BMPR2: variants seen among roughly 807,000 people sequenced by gnomAD.
The protein encoded by BMPR2 is bone morphogenetic protein receptor type 2, also known as bone morphogenetic protein receptor type-2.
BMPR2 carries 29 observed loss-of-function variants against 100.8 expected under a neutral mutation model. The observed-to-expected ratio is 0.29, with a 90% CI of 0.21 to 0.39. The LOEUF (loss-of-function observed/expected upper bound fraction) is 0.39. Among genes scored for constraint, BMPR2 ranks in the 10% least tolerant of loss-of-function variants. The pLI is 1.00. For synonymous variants in BMPR2, 382 were observed against 442.3 expected, an observed-to-expected ratio of 0.86 and a Z score of 1.71; for missense variants, 1,011 against 1,274.5, an observed-to-expected ratio of 0.79 and a Z score of 3.15.
chr2:202,531,928 G>GTGTT (rs1439934960), intron 8 of BMPR2, among the ~76,000 whole-genome samples: 1 of 51,262 alleles, frequency 2.0e-5, no homozygotes, highest in African/African-American at 5.7e-5. Context: ...ACGCCCAGCT[G>GTGTT]TATTTTTTTT....
chr2:202,433,092 G>C (rs62194090), intron 1 of BMPR2, among the ~76,000 whole-genome samples: 8,033 of 150,540 alleles, frequency 0.053, 344 homozygotes, highest in Non-Finnish European at 0.079. Context: ...TCTGCCAGCT[G>C]GTAAGGTAGC....
At chr2:202,426,796 T>TG (rs898331020) in intron 1 of BMPR2, among the ~76,000 whole-genome samples, 2 of 151,770 alleles carry the variant, frequency 1.3e-5, no homozygotes, top group East Asian at 1.9e-4. Flanking sequence ...GCAGAAGGAG[T>TG]GACTGAGCGT....
At chr2:202,558,842 G>A (rs551951179) in intron 12 of BMPR2, among the ~76,000 whole-genome samples, 84 of 144,370 alleles carry the variant, frequency 5.8e-4, no homozygotes, top group Middle Eastern at 4.2e-3. Flanking sequence ...GCGGTGAGCC[G>A]AGATCATGTC....
At chr2:202,467,351 C>T (rs971571407) in intron 2 of BMPR2, among the ~76,000 whole-genome samples, 168 bp from the exon 3 acceptor site, 5 of 152,108 alleles carry the variant, frequency 3.3e-5, no homozygotes, top group Admixed American at 3.3e-4. Flanking sequence ...CTTTGGTATC[C>T]TTTACCATTT....
At position 202,377,452 on chromosome 2, in the gene BMPR2, C is replaced by T. The variant is rs1319268943; in HGVS notation, c.-23C>T. The T allele has an allele frequency of 1.2e-6, 2 of 1,613,782 alleles. No homozygotes were observed. Among genetic ancestry groups the T allele is most frequent in the Non-Finnish European group, 1.7e-6 (2 of 1,179,602 alleles). On this transcript the variant is annotated 5_prime_UTR_variant, in exon 1 of 13. Coordinates refer to ENST00000374580, the MANE Select transcript of BMPR2 (RefSeq NM_001204.7). ...TTCCCATATTTCTTTTCTTTGCCCT[C>T]CTGATTCTTGGCTGGCCCAGGGATG...
chr2:202,392,730 C>T (rs1483709301), intron 1 of BMPR2, among the ~76,000 whole-genome samples: 3 of 151,456 alleles, frequency 2.0e-5, no homozygotes, highest in South Asian at 2.1e-4. Flanking sequence ...CGGTGGCTCA[C>T]GCCTGTAATC....
intron 1 of BMPR2, among the ~76,000 whole-genome samples, chr2:202,380,884 G>A (rs1191748270): frequency 6.7e-6 from 1 of 150,348 alleles, no homozygotes; most frequent in African/African-American, 2.5e-5. Context: ...CTCCCAAAAT[G>A]CTGGGATTAT....
chr2:202,515,377 G>C (rs1687694055), intron 5 of BMPR2, among the ~76,000 whole-genome samples: 1 of 151,992 alleles, frequency 6.6e-6, no homozygotes. Context: ...TTCAAGACCA[G>C]CCTGACCAAC....
At chr2:202,543,864 A>G (rs186276979) in intron 10 of BMPR2, among the ~76,000 whole-genome samples, 1 of 152,314 alleles carries the variant, frequency 6.6e-6, no homozygotes, top group African/African-American at 2.4e-5. Flanking sequence ...TAAAAATTCT[A>G]CATTAGTTAC....
intron 1 of BMPR2, among the ~76,000 whole-genome samples, chr2:202,421,278 C>T (rs1168500239): frequency 1.4e-5 from 2 of 138,616 alleles, no homozygotes; most frequent in Non-Finnish European, 3.1e-5. Context: ...ATATTGAGGC[C>T]AGCCTGGACA....
intron 1 of BMPR2, among the ~76,000 whole-genome samples, chr2:202,447,073 C>A (rs573398942): frequency 1.3e-5 from 2 of 148,900 alleles, no homozygotes; most frequent in African/African-American, 2.6e-5. Flanking sequence ...TTTGGGAGGC[C>A]GAGGTGGGCG....
At chr2:202,440,349 C>T (rs1282716624) in intron 1 of BMPR2, among the ~76,000 whole-genome samples, 4 of 148,904 alleles carry the variant, frequency 2.7e-5, no homozygotes, top group Non-Finnish European at 4.4e-5. Flanking sequence ...CGGGCACAGG[C>T]GCTCCTCACA....
At chr2:202,521,605 A>G (rs985726044) in intron 7 of BMPR2, among the ~76,000 whole-genome samples, 1 of 151,926 alleles carries the variant, frequency 6.6e-6, no homozygotes, top group Non-Finnish European at 1.5e-5. Context: ...CACTAATTGA[A>G]GAGTTTCCCT....
intron 3 of BMPR2, among the ~76,000 whole-genome samples, chr2:202,480,658 A>G (rs1298518773): frequency 6.6e-6 from 1 of 152,078 alleles, no homozygotes; most frequent in Non-Finnish European, 1.5e-5. Context: ...ATCCTTGTCA[A>G]AAATCAATTG....
chr2:202,536,870 CAAAAAAAAA>C (rs34999694), intron 9 of BMPR2, among the ~76,000 whole-genome samples: 31 of 84,266 alleles, frequency 3.7e-4, no homozygotes, highest in African/African-American at 1.3e-3. Flanking sequence ...AACTCGGTCT[CAAAAAAAAA>C]AAAAAAAAAA....
At chr2:202,437,250 C>T (rs759746623) in intron 1 of BMPR2, among the ~76,000 whole-genome samples, 1 of 150,408 alleles carries the variant, frequency 6.6e-6, no homozygotes, top group Non-Finnish European at 1.5e-5. Flanking sequence ...ATGATCCACC[C>T]GCCTCTGCCT....
chr2:202,440,820 G>T lies in BMPR2; in HGVS notation c.77-23989G>T, dbSNP rs372993365. ...GGAGACCGGGGAGACTGGGGAGAGG[G>T]AGAGGGAGAGCAGTTGTGGGTTTTT... On this transcript the variant is annotated intron_variant, in intron 1 of 12. Transcript: ENST00000374580. Among the ~76,000 whole-genome samples, 630 of 150,632 alleles carry T rather than the reference G, an allele frequency of 4.2e-3. 9 individuals are homozygous for T. The highest frequency in any genetic ancestry group is 2.9e-3 in the Non-Finnish European group (196 of 68,024).
Position 202,503,036 on chromosome 2 carries a change from G to C in BMPR2, c.419-10683G>C, listed in dbSNP as rs1242121207. 2.0e-5 allele frequency among the ~76,000 whole-genome samples: 3 copies of C among 152,174 alleles called. No individual in the cohort carries two copies. Among genetic ancestry groups the C allele is most frequent in the Non-Finnish European group, 4.4e-5 (3 of 68,030 alleles). On this transcript the variant is annotated intron_variant, in intron 3 of 12. Coordinates refer to ENST00000374580, the MANE Select transcript of BMPR2 (RefSeq NM_001204.7). This position sits in a 1 kb window ranked among gnomAD's most constrained non-coding sequence, Gnocchi z 4.0. ...GAGTTCAACTAACAACTTCTACTGA[G>C]GACTCCTGGACCGACCCTCTGGCAC...
intron 1 of BMPR2, among the ~76,000 whole-genome samples, chr2:202,408,371 T>C (rs1163910351): frequency 1.3e-5 from 2 of 152,210 alleles, no homozygotes; most frequent in East Asian, 3.8e-4. Context: ...AATATCCACC[T>C]AAGTGCACCA....
Sources: allele counts gnomAD v4.1 joint callset (sites outside exome capture counted in the v4.1 genomes callset), GRCh38; gene constraint gnomAD v4.1.1; non-coding constraint Gnocchi (gnomAD v3.1); transcripts MANE v1.5; gene names NCBI Gene and HGNC (gene_info 2026-07-23, HGNC 2026-07-21).